Variants in TP73 observed in about 807,000 individuals in gnomAD.
The protein encoded by TP73 is tumor protein p73.
In TP73, 25 loss-of-function variants were observed where a neutral mutation model predicts 62.5. The observed-to-expected ratio is 0.40, with a 90% confidence interval of 0.29 to 0.56. The LOEUF (loss-of-function observed/expected upper bound fraction) is 0.56, where lower values mean the gene tolerates loss of function less well. Ranked by LOEUF, TP73 falls within the 20% of genes least tolerant of loss-of-function variation. The probability of loss-of-function intolerance (pLI) is 0.46; values close to 1 mark genes in which losing one functional copy is unlikely to be tolerated. For synonymous variants in TP73, 423 were observed against 377.5 expected, an observed-to-expected ratio of 1.12 and a Z score of -1.40; for missense variants, 754 against 913.3, an observed-to-expected ratio of 0.83 and a Z score of 2.25.
Position 3,672,617 on chromosome 1 carries a change from C to T in TP73, c.-33-9716C>T, listed in dbSNP as rs570872138. Among the ~76,000 whole-genome samples the T allele has an allele frequency of 3.3e-5, 5 of 151,874 alleles. No homozygotes were observed. Among genetic ancestry groups the T allele is most frequent in the East Asian group, 1.9e-4 (1 of 5,148 alleles). On this transcript the variant is annotated intron_variant, in intron 1 of 13. Coordinates refer to ENST00000378295, the MANE Select transcript of TP73 (RefSeq NM_005427.4). This position sits in a 1 kb window ranked among gnomAD's most constrained non-coding sequence, Gnocchi z 5.3. Reference sequence around the variant, plus strand: ...CCCCTCACCCCCTATCCTTGGCAGTCGGTCCTCTGGGTCTTCTTCCTGTGC... The same window carrying T: ...CCCCTCACCCCCTATCCTTGGCAGTTGGTCCTCTGGGTCTTCTTCCTGTGC...
rs1639767075 is a variant in TP73 at position 3,707,539 on chromosome 1, C to G, written c.187-10C>G. ...TGTTTCCCCCTCCCTCCTCCCCTTT[C>G]CCGCGCCAGGCCCAGTTCAATCTGC... On this transcript the variant is annotated splice_polypyrimidine_tract_variant and intron_variant, in intron 3 of 13. Transcript: ENST00000378295. 2 of 1,600,532 alleles carry G rather than the reference C, an allele frequency of 1.2e-6. No individual in the cohort carries two copies. The highest frequency in any genetic ancestry group is 1.3e-5 in the African/African-American group (1 of 74,676).
rs542784745 is a variant in TP73 at position 3,685,073 on chromosome 1, A to G, written c.186+1893A>G. 1.6e-4 allele frequency among the ~76,000 whole-genome samples: 24 copies of G among 152,246 alleles called. 1 individual carries two copies. The highest frequency in any genetic ancestry group is 5.5e-4 in the African/African-American group (23 of 41,558). ...CCCAGGGAGGGAGGGAGGAAGACCCATAAGATTGTCCCCTGAGATCCAGAA... is the reference window on the plus strand; with the variant it reads ...CCCAGGGAGGGAGGGAGGAAGACCCGTAAGATTGTCCCCTGAGATCCAGAA... On this transcript the variant is annotated intron_variant, in intron 3 of 13. Coordinates refer to ENST00000378295, the MANE Select transcript of TP73 (RefSeq NM_005427.4).
In TP73 at chr1:3,692,393, G is replaced by A. The variant is rs183854864; in HGVS notation, c.186+9213G>A. Among the ~76,000 whole-genome samples, 477 of 152,340 alleles carry A rather than the reference G, an allele frequency of 3.1e-3. 2 individuals carry two copies. The highest frequency in any genetic ancestry group is 5.2e-3 in the Non-Finnish European group (353 of 68,028). ...CACCATGGCCTCTCCACACGCCTGC[G>A]TGATCTTTTTATCTGAAACCCAGTG... On this transcript the variant is annotated intron_variant, in intron 3 of 13. Transcript: ENST00000378295.
chr1:3,684,299 GA>G (rs1460441549), intron 3 of TP73, among the ~76,000 whole-genome samples: 1 of 152,218 alleles, frequency 6.6e-6, no homozygotes, highest in Non-Finnish European at 1.5e-5. Context: ...GAACTGTGGG[GA>G]TACGCGGAAC....
chr1:3,661,237 G>T (rs2102011002), intron 1 of TP73, among the ~76,000 whole-genome samples: 1 of 152,118 alleles, frequency 6.6e-6, no homozygotes, highest in African/African-American at 2.4e-5. Context: ...GTTAATTCAG[G>T]GTCAAAAAGA....
At chr1:3,712,523 C>T (rs1404065727) in intron 4 of TP73, 1 of 152,300 alleles carries the variant, frequency 6.6e-6, no homozygotes, top group African/African-American at 2.4e-5. Flanking sequence ...TGCTGCCCCA[C>T]CCCACACTGC....
intron 3 of TP73, among the ~76,000 whole-genome samples, chr1:3,697,563 C>T (rs993676456): frequency 1.3e-5 from 2 of 152,262 alleles, no homozygotes; most frequent in Non-Finnish European, 2.9e-5. Flanking sequence ...TGATCCCAAG[C>T]CCCTGCACGC....
In TP73 at chr1:3,666,679, G is replaced by A. The variant is rs552812659; in HGVS notation, c.-34+14038G>A. Among the ~76,000 whole-genome samples, 72 of 152,244 alleles carry A rather than the reference G, an allele frequency of 4.7e-4. No individual in the cohort carries two copies. Among genetic ancestry groups the A allele is most frequent in the Non-Finnish European group, 9.0e-4 (61 of 68,018 alleles). Reference sequence around the variant, plus strand: ...TTGACCTCAAAGAGGCCTGTCCTGTGTGTCTCACTGAGCAGGAACAAACCG... The same window carrying A: ...TTGACCTCAAAGAGGCCTGTCCTGTATGTCTCACTGAGCAGGAACAAACCG... On this transcript the variant is annotated intron_variant, in intron 1 of 13. Transcript: ENST00000378295. This position sits in a 1 kb window ranked among gnomAD's most constrained non-coding sequence, Gnocchi z 6.4.
chr1:3,670,685 A>T lies in TP73; in HGVS notation c.-33-11648A>T, dbSNP rs1645220326. 1.3e-5 allele frequency among the ~76,000 whole-genome samples: 2 copies of T among 152,146 alleles called. No individual in the cohort carries two copies. ...TATCTCAAAAAAAATAAAATAAAATAAAAAAGATAGGAAAAGAAAAAGAAA... is the reference window on the plus strand; with the variant it reads ...TATCTCAAAAAAAATAAAATAAAATTAAAAAGATAGGAAAAGAAAAAGAAA... On this transcript the variant is annotated intron_variant, in intron 1 of 13. Transcript: ENST00000378295. The surrounding 1 kb of genome is among the most constrained non-coding windows in gnomAD (Gnocchi z 5.9).
intron 5 of TP73, 120 bp downstream of exon 5, chr1:3,722,327 T>G: frequency 8.0e-7 from 1 of 1,246,350 alleles, no homozygotes; most frequent in Non-Finnish European, 1.1e-6. Flanking sequence ...GCCATTCCCC[T>G]GCGGAGGGCT....
At chr1:3,667,617 G>A (rs1391769935) in intron 1 of TP73, among the ~76,000 whole-genome samples, 1 of 152,020 alleles carries the variant, frequency 6.6e-6, no homozygotes, top group Non-Finnish European at 1.5e-5. Context: ...AGGCGTGGTG[G>A]CACGTGCCTG....
At chr1:3,702,183 G>A (rs1639228253) in intron 3 of TP73, among the ~76,000 whole-genome samples, 1 of 152,142 alleles carries the variant, frequency 6.6e-6, no homozygotes, top group South Asian at 2.1e-4. Flanking sequence ...AGTGGGATGG[G>A]GCTTCAGGGC....
At chr1:3,690,614 C>T (rs1645790542) in intron 3 of TP73, 20 of 1,300,164 alleles carry the variant, frequency 1.5e-5, no homozygotes, top group Admixed American at 3.4e-5. Flanking sequence ...TGAGGCCTGC[C>T]CCGGACTTGG....
In TP73 at chr1:3,670,242, T is replaced by C. The variant is rs1645209338; in HGVS notation, c.-33-12091T>C. ...ATGGGCACAGGTAAGGCAGGGATGA[T>C]GATGGGGCCGGGGGACCACATGGGC... On this transcript the variant is annotated intron_variant, in intron 1 of 13. Coordinates refer to ENST00000378295, the MANE Select transcript of TP73 (RefSeq NM_005427.4). This position sits in a 1 kb window ranked among gnomAD's most constrained non-coding sequence, Gnocchi z 5.9. Among the ~76,000 whole-genome samples the C allele has an allele frequency of 6.6e-6, 1 of 151,952 alleles. No homozygotes were observed. Among genetic ancestry groups the C allele is most frequent in the African/African-American group, 2.4e-5 (1 of 41,354 alleles).
At chr1:3,705,106 G>T (rs1023070844) in intron 3 of TP73, among the ~76,000 whole-genome samples, 2 of 152,222 alleles carry the variant, frequency 1.3e-5, no homozygotes, top group South Asian at 4.1e-4. Flanking sequence ...GCGTGATCTT[G>T]GCTCTCTGCC....
chr1:3,664,877 G>A (rs761901313), intron 1 of TP73, among the ~76,000 whole-genome samples: 2 of 152,196 alleles, frequency 1.3e-5, no homozygotes, highest in African/African-American at 2.4e-5. Flanking sequence ...CTGTGAATCC[G>A]ATGACCGAGA....
At chr1:3,659,614 C>T (rs947641038) in intron 1 of TP73, among the ~76,000 whole-genome samples, 17 of 152,098 alleles carry the variant, frequency 1.1e-4, no homozygotes. Context: ...ATATGGCTTT[C>T]TACTGAAATA....
chr1:3,729,197 C>A, intron 9 of TP73, 130 bp from the exon 10 acceptor site: 1 of 1,290,510 alleles, frequency 7.7e-7, no homozygotes. Context: ...GATCCTGAGC[C>A]TCTGGGGTGC....
rs111387108 is a variant in TP73 at position 3,709,979 on chromosome 1, G to T, written c.429+2188G>T. Among the ~76,000 whole-genome samples, 896 of 152,246 alleles carry T rather than the reference G, an allele frequency of 5.9e-3. 11 individuals are homozygous for T. The highest frequency in any genetic ancestry group is 0.02 in the African/African-American group (822 of 41,546). ...ATCTGCCACCCCCACCCCCTGCCAG[G>T]TGTGTGGCATCAGGTTCAAGGGACT... On this transcript the variant is annotated intron_variant, in intron 4 of 13. Coordinates refer to ENST00000378295, the MANE Select transcript of TP73 (RefSeq NM_005427.4).
Sources: allele counts gnomAD v4.1 joint callset (sites outside exome capture counted in the v4.1 genomes callset), GRCh38; gene constraint gnomAD v4.1.1; non-coding constraint Gnocchi (gnomAD v3.1); transcripts MANE v1.5; gene names NCBI Gene and HGNC (gene_info 2026-07-23, HGNC 2026-07-21).